The following CDH13 variants were observed in gnomAD, a reference collection of about 807,000 sequenced individuals.
The protein encoded by CDH13 is cadherin-13.
In CDH13, 24 loss-of-function variants were observed where a neutral mutation model predicts 63.8. The ratio of observed to expected loss-of-function variants is 0.38; its 90% confidence interval spans 0.27 to 0.53. The LOEUF is 0.53. CDH13 is among the 20% of genes least tolerant of loss of function. CDH13 has a pLI of 0.85. For missense variants in CDH13, 1,049 were observed against 903.1 expected, an observed-to-expected ratio of 1.16 and a Z score of -2.07; for synonymous variants, 503 against 355.3, an observed-to-expected ratio of 1.42 and a Z score of -4.67.
chr16:83,740,472 C>T (rs1911957766), intron 10 of CDH13, among the ~76,000 whole-genome samples: 1 of 152,124 alleles, frequency 6.6e-6, no homozygotes, highest in South Asian at 2.1e-4. Flanking sequence ...CTACCTCGGT[C>T]CACTGCATGT....
intron 7 of CDH13, among the ~76,000 whole-genome samples, chr16:83,569,686 A>T (rs1305981555): frequency 6.6e-6 from 1 of 152,074 alleles, no homozygotes; most frequent in Non-Finnish European, 1.5e-5. Context: ...ACGTCCAGGC[A>T]TCTAACTCTC....
chr16:82,780,441 AGCCC>A (rs2035699628), intron 1 of CDH13, among the ~76,000 whole-genome samples: 1 of 152,240 alleles, frequency 6.6e-6, no homozygotes, highest in Non-Finnish European at 1.5e-5. Context: ...AAATGACAGC[AGCCC>A]ATGCAATGTG....
chr16:83,544,679 T>A (rs1406416416), intron 7 of CDH13, among the ~76,000 whole-genome samples: 1 of 152,204 alleles, frequency 6.6e-6, no homozygotes, highest in African/African-American at 2.4e-5. Context: ...CATATCACTT[T>A]CATACTATTG....
chr16:83,670,745 ATG>A (rs1914428786), intron 8 of CDH13, 43 bp from the exon 9 acceptor site: 2 of 1,557,678 alleles, frequency 1.3e-6, no homozygotes, highest in Non-Finnish European at 1.8e-6. Context: ...GTAAATGACT[ATG>A]TGTTTTCAAA....
intron 2 of CDH13, among the ~76,000 whole-genome samples, chr16:83,010,620 T>C (rs1198091289): frequency 6.6e-6 from 1 of 152,194 alleles, no homozygotes; most frequent in Non-Finnish European, 1.5e-5. Context: ...TTGTCCAGAA[T>C]ATTTTCAGAA....
chr16:83,581,169 T>C (rs1224012145), intron 7 of CDH13, among the ~76,000 whole-genome samples: 6 of 152,220 alleles, frequency 3.9e-5, no homozygotes, highest in Non-Finnish European at 1.5e-5. Context: ...CATTTGTTCA[T>C]TGATCCAACA....
intron 1 of CDH13, among the ~76,000 whole-genome samples, chr16:82,680,124 G>T (rs1363767115): frequency 6.6e-6 from 1 of 152,166 alleles, no homozygotes; most frequent in African/African-American, 2.4e-5. Context: ...GGTCATTGTT[G>T]GCTCAGCATC....
intron 6 of CDH13, among the ~76,000 whole-genome samples, chr16:83,441,503 A>G (rs1385216881): frequency 6.6e-6 from 1 of 152,154 alleles, no homozygotes; most frequent in African/African-American, 2.4e-5. Flanking sequence ...GGTCAGTGAT[A>G]TTTTCTTAAT....
At chr16:83,083,001 G>C (rs1393764912) in intron 3 of CDH13, among the ~76,000 whole-genome samples, 1 of 151,998 alleles carries the variant, frequency 6.6e-6, no homozygotes, top group Non-Finnish European at 1.5e-5. Context: ...TTTTTAATAG[G>C]GAAATAAGTA....
intron 6 of CDH13, among the ~76,000 whole-genome samples, chr16:83,447,687 A>G (rs906371370): frequency 3.9e-5 from 6 of 151,906 alleles, no homozygotes; most frequent in African/African-American, 1.4e-4. Flanking sequence ...CAAAAGGGTA[A>G]TGGAGGCTGG....
intron 2 of CDH13, among the ~76,000 whole-genome samples, chr16:82,886,176 A>G (rs191235003): frequency 7.9e-5 from 12 of 152,358 alleles, no homozygotes; most frequent in Admixed American, 4.6e-4. Context: ...TCAAACTGTT[A>G]TAGCTATTCA....
At chr16:83,070,400 T>G (rs191459103) in intron 3 of CDH13, among the ~76,000 whole-genome samples, 34 of 152,326 alleles carry the variant, frequency 2.2e-4, no homozygotes, top group Non-Finnish European at 2.5e-4. Context: ...AACTTTCCCT[T>G]TATCTTCTTT....
intron 3 of CDH13, among the ~76,000 whole-genome samples, chr16:83,098,482 A>G (rs1210458298): frequency 6.6e-6 from 1 of 152,076 alleles, no homozygotes; most frequent in Non-Finnish European, 1.5e-5. Flanking sequence ...TATCCATCCA[A>G]CATTATTTTT....
At chr16:83,562,903 T>C (rs2075733137) in intron 7 of CDH13, among the ~76,000 whole-genome samples, 1 of 152,188 alleles carries the variant, frequency 6.6e-6, no homozygotes, top group Non-Finnish European at 1.5e-5. Flanking sequence ...GGTTAAACTG[T>C]GGGTAGCCAA....
chr16:83,417,753 A>G (rs748466978), intron 6 of CDH13, among the ~76,000 whole-genome samples: 7 of 152,194 alleles, frequency 4.6e-5, no homozygotes, highest in Non-Finnish European at 1.0e-4. Flanking sequence ...GCAGACATGT[A>G]TCTCCTGTTA....
chr16:83,318,536 A>G (rs1309069873), intron 5 of CDH13, among the ~76,000 whole-genome samples: 2 of 152,172 alleles, frequency 1.3e-5, no homozygotes, highest in Non-Finnish European at 2.9e-5. Context: ...TGCTACACGT[A>G]AGCTGTTGCT....
intron 7 of CDH13, among the ~76,000 whole-genome samples, chr16:83,559,326 C>T (rs923538125): frequency 6.6e-6 from 1 of 152,124 alleles, no homozygotes; most frequent in African/African-American, 2.4e-5. Flanking sequence ...AATCCCAACA[C>T]TTTGGGAGGC....
chr16:82,777,637 A>G (rs890406531), intron 1 of CDH13, among the ~76,000 whole-genome samples: 3 of 152,158 alleles, frequency 2.0e-5, no homozygotes, highest in Non-Finnish European at 2.9e-5. Flanking sequence ...TTATTCCACA[A>G]TTTCTGTGCA....
intron 11 of CDH13, among the ~76,000 whole-genome samples, chr16:83,764,714 CCTTTACTCTT>C (rs1414434827): frequency 2.5e-4 from 36 of 141,752 alleles, no homozygotes; most frequent in African/African-American, 8.8e-4. Flanking sequence ...TGAAGTCAGC[CCTTTACTCTT>C]GCATCCTGCC....
Sources: allele counts gnomAD v4.1 joint callset (sites outside exome capture counted in the v4.1 genomes callset), GRCh38; gene constraint gnomAD v4.1.1; transcripts MANE v1.5; gene names NCBI Gene and HGNC (gene_info 2026-07-23, HGNC 2026-07-21).